Variants in ZNF469 observed in about 807,000 individuals in gnomAD.
ZNF469 encodes zinc finger protein 469.
In ZNF469, 1 loss-of-function variant was observed where a neutral mutation model predicts 1.0. The observed-to-expected ratio is 1.00, with a 90% CI of 0.35 to 4.73. The LOEUF (loss-of-function observed/expected upper bound fraction) is 4.73, where lower values mean the gene tolerates loss of function less well. Ranked by LOEUF, ZNF469 falls within the 30% of genes most tolerant of loss-of-function variation. The pLI, the probability that ZNF469 is intolerant of heterozygous loss-of-function variation, is 0.16. For synonymous variants in ZNF469, 2,703 were observed against 2,363.4 expected, an observed-to-expected ratio of 1.14 and a Z score of -4.17; for missense variants, 6,100 against 5,356.3, an observed-to-expected ratio of 1.14 and a Z score of -4.33.
chr16:88,402,968 G>A (rs542421992), intron 1 of ZNF469, among the ~76,000 whole-genome samples: 4 of 152,222 alleles, frequency 2.6e-5, no homozygotes, highest in Admixed American at 6.5e-5. Context: ...AGGCCAGCCC[G>A]GCCCGGGAAG....
At chr16:88,362,659 T>C in the ZNF469 span, among the ~76,000 whole-genome samples, 1 of 152,210 alleles carries the variant, frequency 6.6e-6, no homozygotes, top group African/African-American at 2.4e-5. Flanking sequence ...CCATTTATCT[T>C]TGGTTTTCAG....
chr16:88,144,890 C>A, the ZNF469 span, among the ~76,000 whole-genome samples: 3 of 151,738 alleles, frequency 2.0e-5, no homozygotes, highest in Non-Finnish European at 4.4e-5. Flanking sequence ...CGCTCTGTAG[C>A]CCAGGCTGGA....
chr16:88,275,840 G>A, the ZNF469 span, among the ~76,000 whole-genome samples: 1 of 152,288 alleles, frequency 6.6e-6, no homozygotes, highest in South Asian at 2.1e-4. Flanking sequence ...CCAGGAGGCG[G>A]GGCACAGGGG....
At chr16:88,179,576 A>G in the ZNF469 span, among the ~76,000 whole-genome samples, 5 of 152,322 alleles carry the variant, frequency 3.3e-5, no homozygotes, top group East Asian at 9.6e-4. Context: ...TGAACTTGCT[A>G]TAAATTCAGA....
chr16:88,326,685 G>A, the ZNF469 span, among the ~76,000 whole-genome samples: 1 of 152,152 alleles, frequency 6.6e-6, no homozygotes, highest in African/African-American at 2.4e-5. Flanking sequence ...TGGGGTGTTT[G>A]CTTTAACGTC....
intron 1 of ZNF469, among the ~76,000 whole-genome samples, chr16:88,407,607 C>G (rs191134747): frequency 4.1e-4 from 62 of 152,370 alleles, no homozygotes; most frequent in African/African-American, 1.4e-3. Context: ...GAAACTGAGG[C>G]ATGGGCATAG....
At chr16:88,305,257 T>A in the ZNF469 span, among the ~76,000 whole-genome samples, 2 of 113,406 alleles carry the variant, frequency 1.8e-5, no homozygotes, top group Non-Finnish European at 3.7e-5. Flanking sequence ...CACACACGCA[T>A]GCACACCCTC....
the ZNF469 span, among the ~76,000 whole-genome samples, chr16:88,159,517 G>A: frequency 2.0e-5 from 3 of 152,162 alleles, no homozygotes; most frequent in African/African-American, 4.8e-5. Flanking sequence ...AGGCCCGGAC[G>A]GATGAGCGCA....
the ZNF469 span, among the ~76,000 whole-genome samples, chr16:88,239,715 A>ATTTTTT: frequency 1.5e-4 from 1 of 6,770 alleles, no homozygotes; most frequent in African/African-American, 6.9e-4. Flanking sequence ...ATATATATAT[A>ATTTTTT]TTTTTTTTTT....
At chr16:88,174,970 T>C in the ZNF469 span, among the ~76,000 whole-genome samples, 2 of 151,854 alleles carry the variant, frequency 1.3e-5, no homozygotes, top group African/African-American at 4.8e-5. Flanking sequence ...GTAAATGAAA[T>C]TGGCTAATGT....
In ZNF469 at chr16:88,435,412, A is replaced by C; in HGVS notation, c.7942A>C (p.Ile2648Leu). The part of the protein sequence containing the change: ...LRGRRLREES[I>L]LPVSADVISD... Reference sequence around the variant, plus strand: ...AGGGAGAAGGCTCCGGGAGGAGAGCATTCTTCCAGTCTCTGCTGATGTGAT... The same window carrying C: ...AGGGAGAAGGCTCCGGGAGGAGAGCCTTCTTCCAGTCTCTGCTGATGTGAT... The change falls in exon 3 of 3, where the codon ATT becomes CTT. Residue 2648 changes from isoleucine (I) to leucine (L), a missense_variant. Ile to Leu is a conservative substitution (Grantham distance 5, BLOSUM62 2). Transcript: ENST00000565624. 4.5e-6 allele frequency: 7 copies of C among 1,550,342 alleles called. No homozygotes were observed. The highest frequency in any genetic ancestry group is 6.1e-6 in the Non-Finnish European group (7 of 1,146,984).
At chr16:88,209,027 C>T in the ZNF469 span, among the ~76,000 whole-genome samples, 3 of 152,138 alleles carry the variant, frequency 2.0e-5, no homozygotes, top group Admixed American at 1.3e-4. Flanking sequence ...CATCTGTTCA[C>T]CCCACATATT....
chr16:88,366,215 T>C, the ZNF469 span, among the ~76,000 whole-genome samples: 193 of 150,538 alleles, frequency 1.3e-3, no homozygotes, highest in Non-Finnish European at 1.4e-3. Context: ...ATCATCATCA[T>C]CACCACCATC....
chr16:88,138,892 A>G, the ZNF469 span, among the ~76,000 whole-genome samples: 1 of 152,246 alleles, frequency 6.6e-6, no homozygotes, highest in Non-Finnish European at 1.5e-5. Context: ...AGAAATAAGC[A>G]GCGTAAGCAC....
At chr16:88,261,155 G>A in the ZNF469 span, among the ~76,000 whole-genome samples, 2 of 152,364 alleles carry the variant, frequency 1.3e-5, no homozygotes, top group East Asian at 1.9e-4. The surrounding 1 kb of genome is among the most constrained non-coding windows in gnomAD (Gnocchi z 6.0). Context: ...CATGGTGGGC[G>A]GGACACAGGT....
chr16:88,243,844 G>T, the ZNF469 span, among the ~76,000 whole-genome samples: 2 of 147,128 alleles, frequency 1.4e-5, no homozygotes, highest in Non-Finnish European at 3.0e-5. Flanking sequence ...GGATGGATGG[G>T]TGCATGGATG....
the ZNF469 span, among the ~76,000 whole-genome samples, chr16:88,277,805 GTCACA>G: frequency 6.0e-5 from 2 of 33,166 alleles, no homozygotes; most frequent in African/African-American, 8.3e-5. Context: ...TTAGTGCTGC[GTCACA>G]CCGACGCTCG....
chr16:88,427,649 TC>T lies in ZNF469; in HGVS notation c.183del (p.Glu62ArgfsTer17). ...GGCGGCCAGGCCCAGGCCATGGAGC[TC>T]CCCGAGGCCCAGCCAAGGCAGGCCA... ...EAGGQAQAMELPEAQPRQARD... is the reference protein window; with the variant it reads ...EAGGQAQAMEXPEAQPRQARD... On this transcript the variant is annotated frameshift_variant, in exon 3 of 3. Coordinates refer to ENST00000565624, the MANE Select transcript of ZNF469 (RefSeq NM_001367624.2). LOFTEE classifies it low-confidence loss of function (END_TRUNC). 6.5e-7 allele frequency: 1 copy of T among 1,536,480 alleles called. No individual in the cohort carries two copies.
At chr16:88,357,426 G>C in the ZNF469 span, among the ~76,000 whole-genome samples, 1 of 152,168 alleles carries the variant, frequency 6.6e-6, no homozygotes, top group African/African-American at 2.4e-5. Context: ...CTTCCTAATG[G>C]ACATGGGAAG....
Sources: gnomAD v4.1 joint callset for allele counts (sites outside exome capture counted in the v4.1 genomes callset) on GRCh38, gnomAD v4.1.1 for gene constraint, Gnocchi (gnomAD v3.1) non-coding constraint, MANE v1.5 for transcripts, NCBI Gene and HGNC (gene_info 2026-07-23, HGNC 2026-07-21) for gene names.